Variants in CIAO2B observed in about 807,000 individuals in gnomAD.
CIAO2B encodes the protein MSS19-interacting protein of 18 kDa.
A neutral mutation model predicts 16.4 loss-of-function variants in CIAO2B; 20 were observed. The ratio of observed to expected loss-of-function variants is 1.22; its 90% CI spans 0.86 to 1.77. CIAO2B has a LOEUF of 1.77. Ranked by LOEUF, CIAO2B falls within the 40% of genes most tolerant of loss-of-function variation. The pLI is 0.00. For missense variants in CIAO2B, 215 were observed against 222.4 expected (o/e 0.97, Z 0.21); for synonymous variants, 106 against 90.4 (o/e 1.17, Z -0.98).
In CIAO2B at chr16:66,932,266, T is replaced by A; in HGVS notation, c.429A>T (p.Ala143=). ...NKQLADKERV[A]AALENTHLLE... ...AGAGGTGGGTGTTCTCCAGGGCAGC[T>A]GCCACCCGCTCCTTATCTGCAAGTT... Residue 143 remains alanine, a synonymous_variant, in exon 5 of 5, where the codon GCA becomes GCT. Transcript: ENST00000422424. 1 of 1,613,894 alleles carries A rather than the reference T, an allele frequency of 6.2e-7. No individual in the cohort carries two copies. Among genetic ancestry groups the A allele is most frequent in the South Asian group, 1.1e-5 (1 of 91,062 alleles).
At chr16:66,933,390 G>A in intron 3 of CIAO2B, 1 of 618,124 alleles carries the variant, frequency 1.6e-6, no homozygotes, top group South Asian at 2.1e-5. Context: ...GCTCCCTACT[G>A]CCCTTCCTGC....
At chr16:66,932,727 A>G in intron 4 of CIAO2B, 53 bp downstream of exon 4, 1 of 1,574,470 alleles carries the variant, frequency 6.4e-7, no homozygotes, top group Non-Finnish European at 8.6e-7. Context: ...GGGAAGCCTC[A>G]GACTGCTTAG....
At chr16:66,932,652 GTC>G in intron 4 of CIAO2B, 126 bp downstream of exon 4, 1 of 1,130,478 alleles carries the variant, frequency 8.8e-7, no homozygotes, top group South Asian at 1.3e-5. Flanking sequence ...ATACTGAGGA[GTC>G]TCTGGCAATT....
Position 66,933,702 on chromosome 16 carries a change from G to A in CIAO2B, c.260C>T (p.Thr87Ile). Residue 87 changes from threonine to isoleucine, a missense_variant, in exon 3 of 5, where the codon ACA becomes ATA. Coordinates refer to ENST00000422424, the MANE Select transcript of CIAO2B (RefSeq NM_016062.4). ...DPESTVAVAF[T>I]PTIPHCSMAT... is the part of the protein sequence containing the mutation. ...CATGCTGCAGTGCGGAATGGTTGGT[G>A]TGAAAGCCACAGCCACTGTACTCTC... 1 of 1,582,678 alleles carries A rather than the reference G, an allele frequency of 6.3e-7. No homozygotes were observed. Among genetic ancestry groups the A allele is most frequent in the Non-Finnish European group, 8.6e-7 (1 of 1,164,278 alleles).
chr16:66,932,375 C>T, intron 4 of CIAO2B, 75 bp from the exon 5 acceptor site: 3 of 1,172,942 alleles, frequency 2.6e-6, no homozygotes, highest in Non-Finnish European at 3.8e-6. Context: ...AGCCCTACCT[C>T]TGAACCTCTA....
At chr16:66,932,578 G>C (rs1366970079) in intron 4 of CIAO2B, 2 of 742,350 alleles carry the variant, frequency 2.7e-6, no homozygotes, top group Non-Finnish European at 4.8e-6. Flanking sequence ...GGGGATTTGG[G>C]AGAAGAGGAC....
Position 66,933,659 on chromosome 16 carries a change from C to T in CIAO2B, c.303G>A (p.Leu101=). 1 of 1,607,550 alleles carries T rather than the reference C, an allele frequency of 6.2e-7. No homozygotes were observed. The highest frequency in any genetic ancestry group is 8.5e-7 in the Non-Finnish European group (1 of 1,177,000). ...AGCGCAGAAGCTTGACCTTGATGGA[C>T]AGACCAATAAGGGTGGCCATGCTGC... ...PHCSMATLIG[L]SIKVKLLRSL... Residue 101 remains leucine, a synonymous_variant, in exon 3 of 5, where the codon CTG becomes CTA. Transcript: ENST00000422424.
chr16:66,934,224 G>A lies in CIAO2B; in HGVS notation c.141C>T (p.Phe47=). Residue 47 remains phenylalanine, a splice_region_variant and synonymous_variant, in exon 1 of 5, where the codon TTC becomes TTT. Transcript: ENST00000422424. This position sits in a 1 kb window ranked among gnomAD's most constrained non-coding sequence, Gnocchi z 4.1. ...CCCGCGCCCAGCAGCGGCGGATATC[G>A]AAGATCTCGCGTGCGTCGATGCTGT... ...VPDSIDAREI[F]DLIRSINDPE... is the part of the protein sequence containing the mutation. 1 of 1,608,914 alleles carries A rather than the reference G, an allele frequency of 6.2e-7. No homozygotes were observed. The highest frequency in any genetic ancestry group is 2.2e-5 in the East Asian group (1 of 44,846).
chr16:66,933,905 G>A, intron 2 of CIAO2B, 82 bp downstream of exon 2: 2 of 1,578,810 alleles, frequency 1.3e-6, no homozygotes, highest in Non-Finnish European at 1.7e-6. Flanking sequence ...CGGTGTTCGT[G>A]AGCATAGAGC....
At chr16:66,933,530 C>G (rs1298666239) in intron 3 of CIAO2B, 84 bp downstream of exon 3, 5 of 1,524,570 alleles carry the variant, frequency 3.3e-6, no homozygotes, top group Non-Finnish European at 4.4e-6. Flanking sequence ...GATGTCCTAT[C>G]CATGTTCATG....
chr16:66,932,166 G>A lies in CIAO2B; in HGVS notation c.*37C>T. The A allele has an allele frequency of 6.6e-7, 1 of 1,513,902 alleles. No individual in the cohort carries two copies. The highest frequency in any genetic ancestry group is 9.1e-7 in the Non-Finnish European group (1 of 1,096,450). The allele number at this position is 1,513,902 out of a possible 1,614,324, so 93.8% of individuals were successfully genotyped here. A position where few individuals can be genotyped will look rare whatever the true frequency, so the allele number is the denominator to read the frequency against. The stretch of plus-strand genomic sequence containing the variant: ...CAGCCCTGGCAGGAGCTGGGACCAG[G>A]ATACCAGTATGCAGGCTGAGGGGTC... On this transcript the variant is annotated 3_prime_UTR_variant, in exon 5 of 5. Transcript: ENST00000422424.
intron 4 of CIAO2B, 30 bp downstream of exon 4, chr16:66,932,750 C>A (rs757256398): frequency 6.2e-7 from 1 of 1,601,768 alleles, no homozygotes; most frequent in Non-Finnish European, 8.5e-7. Flanking sequence ...GGTGCCCGGG[C>A]CAACACCCTC....
chr16:66,934,239 G>T lies in CIAO2B; in HGVS notation c.126C>A (p.Asp42Glu). ...EEDEQVPDSI[D>E]AREIFDLIRS... ...GGCGGATATCGAAGATCTCGCGTGC[G>T]TCGATGCTGTCGGGAACCTGCTCGT... The change falls in exon 1 of 5, where the codon GAC becomes GAA. Residue 42 changes from aspartate (D) to glutamate (E), a missense_variant. Physicochemically the swap from Asp to Glu is conservative, Grantham distance 45 (BLOSUM62 2). Transcript: ENST00000422424. The surrounding 1 kb of genome is among the most constrained non-coding windows in gnomAD (Gnocchi z 4.1). 1 of 1,609,670 alleles carries T rather than the reference G, an allele frequency of 6.2e-7. No homozygotes were observed. Among genetic ancestry groups the T allele is most frequent in the Non-Finnish European group, 8.5e-7 (1 of 1,179,332 alleles).
chr16:66,934,124 G>T lies in CIAO2B; in HGVS notation c.143-58C>A. On this transcript the variant is annotated intron_variant, in intron 1 of 4. Transcript: ENST00000422424. The surrounding 1 kb of genome is among the most constrained non-coding windows in gnomAD (Gnocchi z 4.1). Reference sequence around the variant, plus strand: ...TTGCCCACTTAGAACCCTCTGCCAGGAACGCCCTGCTGGGATGCGGCTCCA... The same window carrying T: ...TTGCCCACTTAGAACCCTCTGCCAGTAACGCCCTGCTGGGATGCGGCTCCA... 6.2e-7 allele frequency: 1 copy of T among 1,611,734 alleles called. No homozygotes were observed. Among genetic ancestry groups the T allele is most frequent in the Non-Finnish European group, 8.5e-7 (1 of 1,179,114 alleles).
rs755990449 is a variant in CIAO2B, at chr16:66,934,018, T to G, written c.191A>C (p.Glu64Ala). The G allele has an allele frequency of 9.4e-5, 151 of 1,613,670 alleles. 2 individuals are homozygous for G. The highest frequency in any genetic ancestry group is 8.9e-4 in the South Asian group (81 of 91,062). Reference protein sequence around the residue: ...NDPEHPLTLEELNVVEQVRVQ... With the variant: ...NDPEHPLTLEALNVVEQVRVQ... ...CCGCACCTGCTCTACTACGTTCAACTCCTCTAGCGTCAGTGGATGCTCCGG... is the reference window on the plus strand; with the variant it reads ...CCGCACCTGCTCTACTACGTTCAACGCCTCTAGCGTCAGTGGATGCTCCGG... Residue 64 changes from glutamate to alanine, a missense_variant, in exon 2 of 5, where the codon GAG becomes GCG. By Grantham distance (107) the Glu-to-Ala change is moderately radical. Transcript: ENST00000422424. This position sits in a 1 kb window ranked among gnomAD's most constrained non-coding sequence, Gnocchi z 4.1.
rs1963087318 is a variant in CIAO2B, at chr16:66,932,915, T to C, written c.349-90A>G. ...CAGACCCTCAGGCACCATCTCCAGC[T>C]GATCCTTCCTCCTAATCATGCCTTT... On this transcript the variant is annotated intron_variant, in intron 3 of 4. Coordinates refer to ENST00000422424, the MANE Select transcript of CIAO2B (RefSeq NM_016062.4). The C allele has an allele frequency of 2.9e-6, 4 of 1,392,910 alleles. No homozygotes were observed. In the Admixed American group the frequency reaches 7.7e-5, roughly 27 times the overall value. The allele number at this position is 1,392,910 out of a possible 1,614,324, so 86.3% of individuals were successfully genotyped here.
At chr16:66,933,397 CTG>C (rs1296935889) in intron 3 of CIAO2B, 17 of 662,748 alleles carry the variant, frequency 2.6e-5, no homozygotes, top group Non-Finnish European at 3.9e-5. Flanking sequence ...ACTGCCCTTC[CTG>C]CCACACTCTT....
Position 66,934,158 on chromosome 16 carries a change from T to A in CIAO2B, c.142+65A>T. 1 of 1,610,856 alleles carries A rather than the reference T, an allele frequency of 6.2e-7. No homozygotes were observed. The highest frequency in any genetic ancestry group is 2.2e-5 in the East Asian group (1 of 44,832). ...GCTGGGATGCGGCTCCACCAGCTGCTCGATATCACTGCTCCCCCCACCGCA... is the reference window on the plus strand; with the variant it reads ...GCTGGGATGCGGCTCCACCAGCTGCACGATATCACTGCTCCCCCCACCGCA... On this transcript the variant is annotated intron_variant, in intron 1 of 4. Transcript: ENST00000422424. This position sits in a 1 kb window ranked among gnomAD's most constrained non-coding sequence, Gnocchi z 4.1.
intron 4 of CIAO2B, 71 bp downstream of exon 4, chr16:66,932,709 G>T: frequency 1.3e-6 from 2 of 1,535,690 alleles, no homozygotes; most frequent in Non-Finnish European, 1.8e-6. Context: ...ATAGACTCCT[G>T]TGCAAGGGGG....
Sources: gnomAD v4.1 joint callset for allele counts on GRCh38, gnomAD v4.1.1 for gene constraint, Gnocchi (gnomAD v3.1) non-coding constraint, MANE v1.5 for transcripts, NCBI Gene and HGNC (gene_info 2026-07-23, HGNC 2026-07-21) for gene names.